The following MTMR8 variants were observed in gnomAD, a reference collection of about 807,000 sequenced individuals.
The protein encoded by MTMR8 is myotubularin related protein 8.
Under a neutral mutation model 39.3 loss-of-function variants are expected in MTMR8, and 65 were observed. That is an observed-to-expected ratio of 1.65 (90% CI 1.35 to 2.03). MTMR8 has a LOEUF of 2.03. MTMR8 is among the 30% of genes most tolerant of loss of function. MTMR8 has a pLI of 0.00. For synonymous variants in MTMR8, 245 were observed against 185.2 expected, an observed-to-expected ratio of 1.32 and a Z score of -2.62; for missense variants, 777 against 538.9, an observed-to-expected ratio of 1.44 and a Z score of -4.37.
intron 1 of MTMR8, among the ~76,000 whole-genome samples, chrX:64,385,166 C>A (rs1924525768): frequency 8.9e-6 from 1 of 112,295 alleles, no homozygotes; most frequent in South Asian, 3.7e-4. Context: ...AGGGCATGGA[C>A]ACAATCCAGC....
intron 1 of MTMR8, among the ~76,000 whole-genome samples, chrX:64,378,978 G>A (rs1393056385): frequency 9.0e-6 from 1 of 111,561 alleles, no homozygotes; most frequent in African/African-American, 3.3e-5. Context: ...TACATTAAAA[G>A]GATAATGAAA....
chrX:64,358,024 T>G (rs1923672053), intron 2 of MTMR8, among the ~76,000 whole-genome samples: 1 of 111,379 alleles, frequency 9.0e-6, no homozygotes, highest in Non-Finnish European at 1.9e-5. Context: ...CCAGATACAG[T>G]CCACTGGGTT....
intron 12 of MTMR8, among the ~76,000 whole-genome samples, chrX:64,318,404 A>G (rs776491400): frequency 8.9e-6 from 1 of 111,973 alleles, no homozygotes; most frequent in East Asian, 2.8e-4. Flanking sequence ...TTTGGCTAGA[A>G]AGAGATGGCT....
chrX:64,364,857 AC>A (rs1325594964), intron 1 of MTMR8, among the ~76,000 whole-genome samples: 1 of 111,226 alleles, frequency 9.0e-6, no homozygotes, highest in Non-Finnish European at 1.9e-5. Flanking sequence ...AAAGCTAAAA[AC>A]CTTGAAAAAA....
At chrX:64,382,641 T>C (rs1041956683) in intron 1 of MTMR8, among the ~76,000 whole-genome samples, 13 of 111,630 alleles carry the variant, frequency 1.2e-4, no homozygotes, top group Admixed American at 4.8e-4. Flanking sequence ...CAACACTATG[T>C]TGAATAGGAG....
At position 64,353,767 on chromosome X, in the gene MTMR8, A is replaced by C. The variant is rs1292790363; in HGVS notation, c.468+1010T>G. Among the ~76,000 whole-genome samples, 23 of 110,195 alleles carry C rather than the reference A, an allele frequency of 2.1e-4. No homozygotes were observed. In the Admixed American group the frequency reaches 2.2e-3, roughly 11 times the overall value. On this transcript the variant is annotated intron_variant, in intron 4 of 13. Transcript: ENST00000374852. ...GTTCAAGAATCCCATCTCTACAAAA[A>C]ATGAAACAAATTCGCCAGGCATGGG...
intron 2 of MTMR8, 144 bp from the exon 3 acceptor site, chrX:64,356,482 C>G: frequency 4.0e-6 from 2 of 502,470 alleles, no homozygotes; most frequent in Non-Finnish European, 6.4e-6. Flanking sequence ...TTGTAAGACA[C>G]AACTGGGGTT....
intron 12 of MTMR8, chrX:64,304,919 T>C (rs1320372305): frequency 5.9e-5 from 5 of 85,180 alleles, no homozygotes; most frequent in Non-Finnish European, 1.2e-4. Context: ...CACATACATA[T>C]ATATATACAC....
chrX:64,321,926 G>T (rs1213303617), intron 12 of MTMR8, among the ~76,000 whole-genome samples: 1 of 112,010 alleles, frequency 8.9e-6, no homozygotes, highest in African/African-American at 3.3e-5. Context: ...ATAGGGTTTA[G>T]TCCTTCATTC....
At chrX:64,329,947 C>A (rs1440694397) in intron 11 of MTMR8, among the ~76,000 whole-genome samples, 2 of 111,328 alleles carry the variant, frequency 1.8e-5, no homozygotes, top group Non-Finnish European at 3.8e-5. Context: ...TATTTTAGCC[C>A]AAAATTACTA....
chrX:64,375,357 GAA>G (rs1164526672), intron 1 of MTMR8, among the ~76,000 whole-genome samples: 2 of 88,607 alleles, frequency 2.3e-5, no homozygotes, highest in Admixed American at 1.2e-4. Flanking sequence ...TGTCTCAATA[GAA>G]AAAAAAAAAA....
At chrX:64,283,332 C>T (rs755396449) in intron 12 of MTMR8, among the ~76,000 whole-genome samples, 77 of 112,049 alleles carry the variant, frequency 6.9e-4, no homozygotes, top group African/African-American at 2.4e-3. Flanking sequence ...CCTGGAAGCT[C>T]GAAATGGGTG....
At chrX:64,298,032 T>C (rs1602114903) in intron 12 of MTMR8, among the ~76,000 whole-genome samples, 2 of 82,567 alleles carry the variant, frequency 2.4e-5, no homozygotes, top group Non-Finnish European at 2.3e-5. Context: ...TCCAGCTTTG[T>C]TCTTTTGGCT....
chrX:64,337,497 T>C, intron 8 of MTMR8, 104 bp from the exon 9 acceptor site: 1 of 880,458 alleles, frequency 1.1e-6, no homozygotes. Flanking sequence ...AACCTGGTCT[T>C]ATGGGCTACA....
chrX:64,335,554 G>A (rs1048203016), intron 10 of MTMR8, among the ~76,000 whole-genome samples: 2 of 112,250 alleles, frequency 1.8e-5, no homozygotes, highest in Non-Finnish European at 1.9e-5. Context: ...CCTTAGTGAG[G>A]CAGTTTGGTT....
chrX:64,268,325 CAT>C lies in MTMR8; in HGVS notation c.*210_*211del, dbSNP rs1931672142. 1 of 393,626 alleles carries C rather than the reference CAT, an allele frequency of 2.5e-6. No individual in the cohort carries two copies. Among genetic ancestry groups the C allele is most frequent in the South Asian group, 6.4e-5 (1 of 15,641 alleles). The allele number at this position is 393,626 out of a possible 1,213,427, so 32.4% of individuals were successfully genotyped here. A position where few individuals can be genotyped will look rare whatever the true frequency, so the allele number is the denominator to read the frequency against. ...GTTAAATCCCATTTTAGAACAATAA[CAT>C]ATTCTTTCTCTTGCCTACACTCTGT... is the stretch of plus-strand genomic sequence containing the variant. On this transcript the variant is annotated 3_prime_UTR_variant, in exon 14 of 14. Coordinates refer to ENST00000374852, the MANE Select transcript of MTMR8 (RefSeq NM_017677.4).
rs1026306261 is a variant in MTMR8, at chrX:64,361,871, G to T, written c.25-2344C>A. Among the ~76,000 whole-genome samples the T allele has an allele frequency of 2.7e-5, 3 of 110,550 alleles. No homozygotes were observed. In the South Asian group the frequency reaches 1.1e-3, roughly 42 times the overall value. Reference sequence around the variant, plus strand: ...ATTAAGAAATGCAAGGATCAGAAGGGAAGTTCTATATTTGGCACCACTTAC... The same window carrying T: ...ATTAAGAAATGCAAGGATCAGAAGGTAAGTTCTATATTTGGCACCACTTAC... On this transcript the variant is annotated intron_variant, in intron 1 of 13. Transcript: ENST00000374852.
In MTMR8 at chrX:64,354,832, C is replaced by A. The variant is rs756598274; in HGVS notation, c.413G>T (p.Arg138Leu). ...CCAGTTTCTGTTGGGTATTCCCATACGCCCAAAGTCTGATATTGGGTCAAT... is the reference window on the plus strand; with the variant it reads ...CCAGTTTCTGTTGGGTATTCCCATAAGCCCAAAGTCTGATATTGGGTCAAT... ...KLIDPISDFGRMGIPNRNWTI... is the reference protein window; with the variant it reads ...KLIDPISDFGLMGIPNRNWTI... Residue 138 changes from arginine (R) to leucine (L), a missense_variant, in exon 4 of 14, where the codon CGT (arginine) becomes CTT (leucine). Arg to Leu is a moderately radical substitution (Grantham distance 102). Transcript: ENST00000374852. The A allele has an allele frequency of 8.3e-6, 10 of 1,205,476 alleles. No homozygotes were observed. The East Asian group carries it at 9.0e-5, about 11-fold the overall frequency.
chrX:64,308,565 A>G (rs1474366006), intron 12 of MTMR8, among the ~76,000 whole-genome samples: 1 of 110,256 alleles, frequency 9.1e-6, no homozygotes, highest in Non-Finnish European at 1.9e-5. Context: ...TTATACCTAT[A>G]TTTTTCTGAC....
Sources: gnomAD v4.1 joint callset for allele counts (sites outside exome capture counted in the v4.1 genomes callset) on GRCh38, gnomAD v4.1.1 for gene constraint, MANE v1.5 for transcripts, NCBI Gene and HGNC (gene_info 2026-07-23, HGNC 2026-07-21) for gene names.